CAPNS1: variants seen among roughly 807,000 people sequenced by gnomAD.
The protein encoded by CAPNS1 is calpain small subunit 1.
Under a neutral mutation model 39.2 loss-of-function variants are expected in CAPNS1, and 32 were observed. The observed-to-expected ratio is 0.82, with a 90% CI of 0.62 to 1.10. CAPNS1 has a LOEUF of 1.10. Ranked by LOEUF, CAPNS1 falls within the 50% of genes least tolerant of loss-of-function variation. The probability of loss-of-function intolerance (pLI) is 0.00; values close to 1 mark genes in which losing one functional copy is unlikely to be tolerated. For missense variants in CAPNS1, 353 were observed against 373.1 expected, an observed-to-expected ratio of 0.95 and a Z score of 0.44; for synonymous variants, 153 against 136.2, an observed-to-expected ratio of 1.12 and a Z score of -0.86.
chr19:36,141,455 G>C (rs1184788723), intron 2 of CAPNS1: 7 of 1,297,400 alleles, frequency 5.4e-6, no homozygotes, highest in Non-Finnish European at 6.8e-6. Context: ...GTCTGATTGT[G>C]TGGGACCAGG....
At chr19:36,144,357 G>A (rs965675152) in intron 6 of CAPNS1, among the ~76,000 whole-genome samples, 4 of 152,032 alleles carry the variant, frequency 2.6e-5, no homozygotes, top group Non-Finnish European at 5.9e-5. Flanking sequence ...TCCAGTCTGT[G>A]GACTCAGGTC....
chr19:36,142,976 C>G lies in CAPNS1; in HGVS notation c.391+10C>G, dbSNP rs759403474. On this transcript the variant is annotated intron_variant, in intron 5 of 10. Coordinates refer to ENST00000246533, the MANE Select transcript of CAPNS1 (RefSeq NM_001749.4). ...AAGGTTGTGACACGACGTAAGTGAC[C>G]GGGGTTAAGGAATAGGGTAGATTCA... 1.2e-6 allele frequency: 2 copies of G among 1,614,086 alleles called. No individual in the cohort carries two copies. Among genetic ancestry groups the G allele is most frequent in the South Asian group, 1.1e-5 (1 of 91,084 alleles).
chr19:36,145,978 C>T lies in CAPNS1; in HGVS notation c.528C>T (p.Ala176=), dbSNP rs746893140. The T allele has an allele frequency of 3.6e-5, 58 of 1,614,072 alleles. No homozygotes were observed. The highest frequency in any genetic ancestry group is 5.0e-5 in the Admixed American group (3 of 60,004). Residue 176 remains alanine (A), a splice_region_variant and synonymous_variant, in exon 8 of 11, where the codon GCC becomes GCT. Transcript: ENST00000246533. ...YLWNNIKRWQ[A]IYKQFDTDRS... ...ACCCAATGTCTCTGTCCTCACAGGC[C>T]ATATACAAACAGTTCGACACTGACC... is the stretch of plus-strand genomic sequence containing the variant.
intron 1 of CAPNS1, chr19:36,140,740 A>C: frequency 4.6e-6 from 2 of 435,064 alleles, no homozygotes; most frequent in Non-Finnish European, 4.0e-6. Flanking sequence ...CCCCCACCAG[A>C]TCTGCACCCT....
Position 36,141,169 on chromosome 19 carries a change from G to A in CAPNS1, c.158G>A (p.Gly53Asp). The A allele has an allele frequency of 7.1e-7, 1 of 1,412,522 alleles. No individual in the cohort carries two copies. The highest frequency in any genetic ancestry group is 9.2e-7 in the Non-Finnish European group (1 of 1,087,742). 87.5% of individuals were successfully genotyped at this position (1,412,522 alleles called of 1,614,324 possible). A position where few individuals can be genotyped will look rare whatever the true frequency, so the allele number is the denominator to read the frequency against. ...GGCGGCGGCGGTGGTGGAGGCGGCGGTGGCGGTGGAACGGCCATGCGCATC... is the reference window on the plus strand; with the variant it reads ...GGCGGCGGCGGTGGTGGAGGCGGCGATGGCGGTGGAACGGCCATGCGCATC... ...GGGGGGGGGG[G>D]GGGTAMRILG... The change falls in exon 2 of 11, where the codon GGT becomes GAT. Residue 53 changes from glycine to aspartate, a missense_variant. By Grantham distance (94) the Gly-to-Asp change is moderately conservative. Transcript: ENST00000246533.
intron 1 of CAPNS1, 54 bp from the exon 2 acceptor site, chr19:36,140,943 G>A (rs527746884): frequency 3.2e-6 from 5 of 1,584,524 alleles, no homozygotes; most frequent in East Asian, 5.0e-5. Context: ...GTGTTTGAAG[G>A]GAGGGTGTGG....
intron 9 of CAPNS1, among the ~76,000 whole-genome samples, chr19:36,147,111 T>C (rs1437138363): frequency 6.6e-6 from 1 of 152,202 alleles, no homozygotes; most frequent in African/African-American, 2.4e-5. Context: ...CTCCCAAAGC[T>C]TTGGTGTTAC....
At position 36,149,857 on chromosome 19, in the gene CAPNS1, GC is replaced by G; in HGVS notation, c.*23del. The stretch of plus-strand genomic sequence containing the variant: ...ATTCCTGAACTGGAGCCCCAGACCC[GC>G]CCCCTCACTGCCTTGCTATAGGAGT... On this transcript the variant is annotated 3_prime_UTR_variant, in exon 11 of 11. Transcript: ENST00000246533. 1 of 1,440,676 alleles carries G rather than the reference GC, an allele frequency of 6.9e-7. No homozygotes were observed. Among genetic ancestry groups the G allele is most frequent in the Non-Finnish European group, 9.2e-7 (1 of 1,089,554 alleles). The allele number at this position is 1,440,676 out of a possible 1,614,324, so 89.2% of individuals were successfully genotyped here.
intron 1 of CAPNS1, 125 bp downstream of exon 1, chr19:36,140,282 C>G (rs1182957997): frequency 1.3e-5 from 2 of 152,346 alleles, no homozygotes; most frequent in Non-Finnish European, 2.9e-5. Flanking sequence ...GATTCGAACC[C>G]TCAGACCTGT....
chr19:36,149,550 C>T (rs1974697167), intron 9 of CAPNS1, 28 bp from the exon 10 acceptor site: 13 of 1,447,584 alleles, frequency 9.0e-6, no homozygotes, highest in African/African-American at 2.9e-5. Flanking sequence ...CCTTCCCTGC[C>T]GCCAAACCTC....
Position 36,146,324 on chromosome 19 carries a change from C to T in CAPNS1, c.721+12C>T. The T allele has an allele frequency of 1.9e-6, 3 of 1,564,886 alleles. No individual in the cohort carries two copies. Among genetic ancestry groups the T allele is most frequent in the South Asian group, 1.1e-5 (1 of 89,858 alleles). The stretch of plus-strand genomic sequence containing the variant: ...GGACGCCATGTTCCGTGAGTGACAA[C>T]CCAGCTGTCTTCCTGGGTGGGGATT... On this transcript the variant is annotated intron_variant, in intron 9 of 10. Transcript: ENST00000246533.
At chr19:36,147,338 A>G (rs1422967850) in intron 9 of CAPNS1, among the ~76,000 whole-genome samples, 2 of 152,206 alleles carry the variant, frequency 1.3e-5, no homozygotes, top group Non-Finnish European at 2.9e-5. Flanking sequence ...AGAAGGTAGG[A>G]GCAGTGAGCA....
rs757089152 is a variant in CAPNS1, at chr19:36,146,034, C to T, written c.584C>T (p.Pro195Leu). The T allele has an allele frequency of 6.2e-7, 1 of 1,614,160 alleles. No individual in the cohort carries two copies. The highest frequency in any genetic ancestry group is 1.7e-5 in the Admixed American group (1 of 60,016). Reference sequence around the variant, plus strand: ...GGGACCATTTGCAGTAGTGAACTCCCAGGTGCCTTTGAGGCAGCAGGTATG... The same window carrying T: ...GGGACCATTTGCAGTAGTGAACTCCTAGGTGCCTTTGAGGCAGCAGGTATG... ...RSGTICSSEL[P>L]GAFEAAGFHL... Residue 195 changes from proline to leucine, a missense_variant, in exon 8 of 11, where the codon CCA becomes CTA. By Grantham distance (98) the Pro-to-Leu change is moderately conservative. Transcript: ENST00000246533.
chr19:36,144,423 A>G (rs896837623), intron 6 of CAPNS1, among the ~76,000 whole-genome samples: 1 of 152,188 alleles, frequency 6.6e-6, no homozygotes, highest in Non-Finnish European at 1.5e-5. Flanking sequence ...ACACACACAC[A>G]CACCTAAGAG....
At chr19:36,146,078 G>A (rs374566177) in intron 8 of CAPNS1, 24 bp downstream of exon 8, 12 of 1,611,594 alleles carry the variant, frequency 7.4e-6, no homozygotes, top group Non-Finnish European at 1.0e-5. Context: ...GGACATGCTG[G>A]GGCTGGGAGT....
rs1974442013 is a variant in CAPNS1, at chr19:36,143,138, G to A, written c.456+10G>A. 1 of 1,613,270 alleles carries A rather than the reference G, an allele frequency of 6.2e-7. No homozygotes were observed. ...GGTGGCCGTGATGGATGTATCCTTGGGGGCAGTGTGGGAGAGGCCCTGGGT... is the reference window on the plus strand; with the variant it reads ...GGTGGCCGTGATGGATGTATCCTTGAGGGCAGTGTGGGAGAGGCCCTGGGT... On this transcript the variant is annotated intron_variant, in intron 6 of 10. Coordinates refer to ENST00000246533, the MANE Select transcript of CAPNS1 (RefSeq NM_001749.4).
chr19:36,146,480 A>T (rs1333239052), intron 9 of CAPNS1, among the ~76,000 whole-genome samples, 168 bp downstream of exon 9: 1 of 152,178 alleles, frequency 6.6e-6, no homozygotes, highest in East Asian at 1.9e-4. Context: ...GAGGAGACAC[A>T]AGTCCCCAGA....
At chr19:36,148,639 C>T (rs1189130841) in intron 9 of CAPNS1, among the ~76,000 whole-genome samples, 9 of 151,854 alleles carry the variant, frequency 5.9e-5, no homozygotes, top group African/African-American at 7.3e-5. Context: ...AGTGAAACCC[C>T]GTCTCTACTA....
chr19:36,145,203 C>CTTTTTTTT (rs5827950), intron 6 of CAPNS1, among the ~76,000 whole-genome samples: 28 of 118,282 alleles, frequency 2.4e-4, no homozygotes, highest in East Asian at 1.6e-3. Context: ...TTTTCTTTCT[C>CTTTTTTTT]TTTTTTTTTT....
Sources: gnomAD v4.1 joint callset for allele counts (sites outside exome capture counted in the v4.1 genomes callset) on GRCh38, gnomAD v4.1.1 for gene constraint, MANE v1.5 for transcripts, NCBI Gene and HGNC (gene_info 2026-07-23, HGNC 2026-07-21) for gene names.